SLC30A9: variants seen among roughly 807,000 people sequenced by gnomAD.
SLC30A9 encodes the protein solute carrier family 30 member 9.
A neutral mutation model predicts 87.5 loss-of-function variants in SLC30A9; 58 were observed. That is an observed-to-expected ratio of 0.66 (90% CI 0.54 to 0.82). The LOEUF is 0.82. SLC30A9 is among the 40% of genes least tolerant of loss of function. The pLI, the probability that SLC30A9 is intolerant of heterozygous loss-of-function variation, is 0.00. For synonymous variants in SLC30A9, 234 were observed against 233.0 expected (o/e 1.00, Z -0.04); for missense variants, 557 against 679.1 (o/e 0.82, Z 2.00).
intron 8 of SLC30A9, among the ~76,000 whole-genome samples, chr4:42,047,863 G>A (rs1717229019): frequency 3.3e-5 from 5 of 152,198 alleles, no homozygotes; most frequent in Admixed American, 2.6e-4. Flanking sequence ...TAAAGAAAAT[G>A]TGGCACATAT....
At position 42,088,749 on chromosome 4, in the gene SLC30A9, T is replaced by A. The variant is rs1448178532; in HGVS notation, c.*2623T>A. 2 of 152,276 alleles carry A rather than the reference T, an allele frequency of 1.3e-5. No homozygotes were observed. The highest frequency in any genetic ancestry group is 4.8e-5 in the African/African-American group (2 of 41,444). 9.4% of individuals were successfully genotyped at this position (152,276 alleles called of 1,614,324 possible). ...GATCCAGTCATCTCCCACCAGGCCCTACCTCCAACATGGGATTACAATTCG... is the reference window on the plus strand; with the variant it reads ...GATCCAGTCATCTCCCACCAGGCCCAACCTCCAACATGGGATTACAATTCG... On this transcript the variant is annotated 3_prime_UTR_variant, in exon 18 of 18. Transcript: ENST00000264451.
At chr4:42,061,237 A>G (rs1363386007) in intron 10 of SLC30A9, among the ~76,000 whole-genome samples, 1 of 152,230 alleles carries the variant, frequency 6.6e-6, no homozygotes, top group Non-Finnish European at 1.5e-5. Context: ...GTAGCTAACT[A>G]CATGTAGCTA....
intron 2 of SLC30A9, among the ~76,000 whole-genome samples, chr4:42,013,291 T>G (rs186691093): frequency 6.6e-6 from 1 of 152,008 alleles, no homozygotes; most frequent in Admixed American, 6.5e-5. Flanking sequence ...AAAAAAATAA[T>G]AATAATAGTA....
intron 1 of SLC30A9, among the ~76,000 whole-genome samples, chr4:41,991,691 G>A (rs988791379): frequency 2.6e-5 from 4 of 152,164 alleles, no homozygotes; most frequent in Non-Finnish European, 5.9e-5. Context: ...ACTGAGGCAG[G>A]CAGATCTTTT....
chr4:42,050,792 C>T (rs371333008), intron 9 of SLC30A9, among the ~76,000 whole-genome samples: 2 of 152,182 alleles, frequency 1.3e-5, no homozygotes, highest in Non-Finnish European at 2.9e-5. Flanking sequence ...ATTATTTGAA[C>T]TCTCTGATCT....
Position 41,990,754 on chromosome 4 carries a change from C to T in SLC30A9, c.103C>T (p.Arg35Cys), listed in dbSNP as rs1483647196. 1 of 1,609,416 alleles carries T rather than the reference C, an allele frequency of 6.2e-7. No homozygotes were observed. Among genetic ancestry groups the T allele is most frequent in the Non-Finnish European group, 8.5e-7 (1 of 1,178,050 alleles). Reference sequence around the variant, plus strand: ...GGCGGCGGCCTGTAATCCCAGCGACCGCCAGGGTGAGTGTCCCGCGCTGGC... The same window carrying T: ...GGCGGCGGCCTGTAATCCCAGCGACTGCCAGGGTGAGTGTCCCGCGCTGGC... ...CRAAACNPSD[R>C]QEWQNLVTFG... The change falls in exon 1 of 18, where the codon CGC becomes TGC. Residue 35 changes from arginine to cysteine, a missense_variant. By Grantham distance (180) the Arg-to-Cys change is radical. This residue lies in a region of SLC30A9 where 467 missense variants were observed against 529.8 expected (regional missense o/e 0.88). Coordinates refer to ENST00000264451, the MANE Select transcript of SLC30A9 (RefSeq NM_006345.4).
At chr4:42,025,297 C>T (rs1716139946) in intron 6 of SLC30A9, among the ~76,000 whole-genome samples, 1 of 152,156 alleles carries the variant, frequency 6.6e-6, no homozygotes, top group Non-Finnish European at 1.5e-5. Context: ...GTTAACTATC[C>T]ATTGCCTGTA....
Position 42,038,974 on chromosome 4 carries a change from GT to G in SLC30A9, c.670-5del. 6.2e-7 allele frequency: 1 copy of G among 1,610,904 alleles called. No individual in the cohort carries two copies. The highest frequency in any genetic ancestry group is 8.5e-7 in the Non-Finnish European group (1 of 1,177,906). On this transcript the variant is annotated splice_polypyrimidine_tract_variant and intron_variant, in intron 7 of 17. Coordinates refer to ENST00000264451, the MANE Select transcript of SLC30A9 (RefSeq NM_006345.4). ...TTTGGAGGTATTAAAAAAAGTTTTT[GT>G]TTTTTTACAGCCACGCTCCAGAACA... is the stretch of plus-strand genomic sequence containing the variant.
In SLC30A9 at chr4:42,086,141, A is replaced by G; in HGVS notation, c.*15A>G. The G allele has an allele frequency of 3.4e-6, 5 of 1,492,034 alleles. No individual in the cohort carries two copies. Among genetic ancestry groups the G allele is most frequent in the Non-Finnish European group, 4.6e-6 (5 of 1,097,922 alleles). 92.4% of individuals were successfully genotyped at this position (1,492,034 alleles called of 1,614,324 possible). ...AGATACTGTGAGTTTGATGGAATGA[A>G]TCACCTGGGTGGGGACCTTGGAAAC... On this transcript the variant is annotated 3_prime_UTR_variant, in exon 18 of 18. Coordinates refer to ENST00000264451, the MANE Select transcript of SLC30A9 (RefSeq NM_006345.4).
chr4:42,037,725 G>A (rs1030630531), intron 7 of SLC30A9, among the ~76,000 whole-genome samples: 1 of 152,042 alleles, frequency 6.6e-6, no homozygotes. Flanking sequence ...CTAACATTTT[G>A]CTGTCCTGGT....
chr4:42,056,611 T>C (rs1454386049), intron 9 of SLC30A9, among the ~76,000 whole-genome samples: 1 of 152,126 alleles, frequency 6.6e-6, no homozygotes, highest in Non-Finnish European at 1.5e-5. Context: ...CCAAACCATA[T>C]CTTCCCGCCC....
chr4:42,078,160 T>C, intron 16 of SLC30A9, 52 bp from the exon 17 acceptor site: 1 of 838,842 alleles, frequency 1.2e-6, no homozygotes, highest in African/African-American at 1.7e-5. Context: ...GTCATAAGTG[T>C]ACCACTATGG....
At position 42,063,088 on chromosome 4, in the gene SLC30A9, G is replaced by T; in HGVS notation, c.999G>T (p.Leu333Phe). 1 of 1,613,756 alleles carries T rather than the reference G, an allele frequency of 6.2e-7. No individual in the cohort carries two copies. The highest frequency in any genetic ancestry group is 8.5e-7 in the Non-Finnish European group (1 of 1,179,804). Residue 333 changes from leucine to phenylalanine, a missense_variant, in exon 11 of 18, where the codon TTG becomes TTT. Leu to Phe is a conservative substitution (Grantham distance 22, BLOSUM62 0). This residue lies in a region of SLC30A9 where 467 missense variants were observed against 529.8 expected (regional missense o/e 0.88). Coordinates refer to ENST00000264451, the MANE Select transcript of SLC30A9 (RefSeq NM_006345.4). ...GLSWYHGVMG[L>F]LHPQPIESLL... ...CTTGGTACCATGGAGTCATGGGATTGCTTCATCCTCAACCAATAGAATCCC... is the reference window on the plus strand; with the variant it reads ...CTTGGTACCATGGAGTCATGGGATTTCTTCATCCTCAACCAATAGAATCCC...
intron 9 of SLC30A9, among the ~76,000 whole-genome samples, chr4:42,057,939 TA>T (rs543158992): frequency 4.6e-4 from 70 of 151,830 alleles, no homozygotes; most frequent in African/African-American, 1.6e-3. Context: ...CCATCTCTAC[TA>T]AAAATACAAA....
At chr4:42,085,347 G>A (rs1359897430) in intron 17 of SLC30A9, among the ~76,000 whole-genome samples, 1 of 152,210 alleles carries the variant, frequency 6.6e-6, no homozygotes, top group African/African-American at 2.4e-5. Flanking sequence ...CTGGAGTCAG[G>A]CCTGGAATCA....
At position 42,012,217 on chromosome 4, in the gene SLC30A9, G is replaced by C. The variant is rs144815301; in HGVS notation, c.275-5894G>C. On this transcript the variant is annotated intron_variant, in intron 2 of 17. Transcript: ENST00000264451. Reference sequence around the variant, plus strand: ...CACGAAACAACCCAACTTAAAAGCTGACAAAGAGAAAAATCAGAATACTAT... The same window carrying C: ...CACGAAACAACCCAACTTAAAAGCTCACAAAGAGAAAAATCAGAATACTAT... Among the ~76,000 whole-genome samples, 261 of 152,198 alleles carry C rather than the reference G, an allele frequency of 1.7e-3. 1 individual carries two copies. The highest frequency in any genetic ancestry group is 6.1e-3 in the African/African-American group (253 of 41,546).
rs192193869 is a variant in SLC30A9 at position 42,081,701 on chromosome 4, C to T, written c.1662+3376C>T. ...TATTTGCTTTACATTTTAGTAGATA[C>T]AAGAAATCAGAAGCCAGATTTAAGA... On this transcript the variant is annotated intron_variant, in intron 17 of 17. Transcript: ENST00000264451. 1.7e-3 allele frequency among the ~76,000 whole-genome samples: 264 copies of T among 151,690 alleles called. 3 individuals are homozygous for T. The highest frequency in any genetic ancestry group is 1.1e-3 in the Non-Finnish European group (76 of 68,014).
intron 2 of SLC30A9, among the ~76,000 whole-genome samples, chr4:42,009,688 T>C (rs937406038): frequency 6.6e-6 from 1 of 152,246 alleles, no homozygotes; most frequent in African/African-American, 2.4e-5. Flanking sequence ...TTCTTGTTTG[T>C]GCTGTATAAC....
chr4:42,071,520 G>A (rs1718307029), intron 15 of SLC30A9, among the ~76,000 whole-genome samples: 3 of 152,040 alleles, frequency 2.0e-5, no homozygotes, highest in East Asian at 1.9e-4. Flanking sequence ...AATGAGAGAT[G>A]GGCACAGTGG....
Sources: gnomAD v4.1 joint callset for allele counts (sites outside exome capture counted in the v4.1 genomes callset) on GRCh38, gnomAD v4.1.1 for gene constraint, gnomAD v4.1.1 regional missense constraint, MANE v1.5 for transcripts, NCBI Gene and HGNC (gene_info 2026-07-23, HGNC 2026-07-21) for gene names.